PSMG1: variants seen among roughly 807,000 people sequenced by gnomAD.
The protein encoded by PSMG1 is proteasome assembly chaperone 1, also known as Down syndrome critical region gene 2.
A neutral mutation model predicts 37.2 loss-of-function variants in PSMG1; 23 were observed. That is an observed-to-expected ratio of 0.62 (90% CI 0.44 to 0.88). PSMG1 has a LOEUF of 0.88. PSMG1 is among the 40% of genes least tolerant of loss of function. The pLI is 0.00. For missense variants in PSMG1, 340 were observed against 344.2 expected (o/e 0.99, Z 0.10); for synonymous variants, 127 against 128.0 (o/e 0.99, Z 0.05).
chr21:39,178,778 A>G, intron 4 of PSMG1, 131 bp from the exon 5 acceptor site: 1 of 882,826 alleles, frequency 1.1e-6, no homozygotes, highest in South Asian at 1.8e-5. Flanking sequence ...TGTGCCTTGG[A>G]GAAACAGAAC....
chr21:39,182,753 T>A (rs914870586), intron 1 of PSMG1, among the ~76,000 whole-genome samples: 1 of 152,152 alleles, frequency 6.6e-6, no homozygotes, highest in Admixed American at 6.5e-5. Flanking sequence ...ACAATTTTTT[T>A]AAAGCGTGTT....
intron 6 of PSMG1, among the ~76,000 whole-genome samples, chr21:39,176,600 T>TAAGA (rs2030634347): frequency 6.6e-6 from 1 of 152,264 alleles, no homozygotes; most frequent in South Asian, 2.1e-4. Flanking sequence ...GCTGTACTCT[T>TAAGA]CAACAAATGG....
At chr21:39,181,950 G>A in intron 1 of PSMG1, 72 bp from the exon 2 acceptor site, 1 of 922,668 alleles carries the variant, frequency 1.1e-6, no homozygotes, top group Non-Finnish European at 1.6e-6. Flanking sequence ...GGCACTATAT[G>A]TATGATTTAC....
At position 39,176,763 on chromosome 21, in the gene PSMG1, A is replaced by G. The variant is rs112009188; in HGVS notation, c.792+672T>C. 1.3e-3 allele frequency among the ~76,000 whole-genome samples: 194 copies of G among 151,818 alleles called. 2 individuals carry two copies. The highest frequency in any genetic ancestry group is 4.4e-3 in the African/African-American group (179 of 41,084). ...GAGCTACTTCCAACAACTTACCACA[A>G]AAGTCTTAAAACTAATGGCCATTCC... On this transcript the variant is annotated intron_variant, in intron 6 of 6. Coordinates refer to ENST00000331573, the MANE Select transcript of PSMG1 (RefSeq NM_003720.4).
chr21:39,175,429 C>T lies in PSMG1; in HGVS notation c.*161G>A. The T allele has an allele frequency of 1.1e-5, 12 of 1,132,410 alleles. No homozygotes were observed. The highest frequency in any genetic ancestry group is 2.6e-5 in the South Asian group (1 of 38,704). The allele number at this position is 1,132,410 out of a possible 1,614,324, so 70.1% of individuals were successfully genotyped here. A position where few individuals can be genotyped will look rare whatever the true frequency, so the allele number is the denominator to read the frequency against. Reference sequence around the variant, plus strand: ...TGGCTTATTTTGGTTGTGAATAATACCACCATAAATAAGGAATTAAAACTA... The same window carrying T: ...TGGCTTATTTTGGTTGTGAATAATATCACCATAAATAAGGAATTAAAACTA... On this transcript the variant is annotated 3_prime_UTR_variant, in exon 7 of 7. Coordinates refer to ENST00000331573, the MANE Select transcript of PSMG1 (RefSeq NM_003720.4).
At position 39,183,282 on chromosome 21, in the gene PSMG1, C is replaced by G. The variant is rs1380985322; in HGVS notation, c.104G>C (p.Arg35Thr). 1.5e-5 allele frequency: 24 copies of G among 1,590,296 alleles called. No homozygotes were observed. The highest frequency in any genetic ancestry group is 2.0e-5 in the Non-Finnish European group (24 of 1,171,482). ...EEGRRETPED[R>T]EVRLQLARKR... ...CCGCGCCAGCTGCAGACGCACCTCC[C>G]TGTCCTCGGGCGTCTCCCTCCGCCC... is the stretch of plus-strand genomic sequence containing the variant. The change falls in exon 1 of 7, where the codon AGG (arginine) becomes ACG (threonine). Residue 35 changes from arginine (R) to threonine (T), a missense_variant. By Grantham distance (71) the Arg-to-Thr change is moderately conservative. Coordinates refer to ENST00000331573, the MANE Select transcript of PSMG1 (RefSeq NM_003720.4).
At chr21:39,182,624 T>C (rs1425752968) in intron 1 of PSMG1, among the ~76,000 whole-genome samples, 1 of 152,192 alleles carries the variant, frequency 6.6e-6, no homozygotes, top group Non-Finnish European at 1.5e-5. Context: ...ATGACTGGAA[T>C]TCGCTTAGGA....
At position 39,178,584 on chromosome 21, in the gene PSMG1, C is replaced by T. The variant is rs751864587; in HGVS notation, c.520G>A (p.Asp174Asn). ...ITILTCRHVTDYKTSESTGSL... is the reference protein window; with the variant it reads ...ITILTCRHVTNYKTSESTGSL... ...CCGGTGGATTCTGAGGTTTTATAATCGGTAACATGTCGACATGTGAGAATA... is the reference window on the plus strand; with the variant it reads ...CCGGTGGATTCTGAGGTTTTATAATTGGTAACATGTCGACATGTGAGAATA... The change falls in exon 5 of 7, where the codon GAT becomes AAT. Residue 174 changes from aspartate to asparagine, a missense_variant. Transcript: ENST00000331573. The T allele has an allele frequency of 5.6e-6, 9 of 1,613,986 alleles. No homozygotes were observed. The highest frequency in any genetic ancestry group is 7.6e-6 in the Non-Finnish European group (9 of 1,180,020).
Position 39,178,463 on chromosome 21 carries a change from T to C in PSMG1, c.641A>G (p.Asp214Gly). 6.2e-7 allele frequency: 1 copy of C among 1,613,006 alleles called. No homozygotes were observed. Among genetic ancestry groups the C allele is most frequent in the Non-Finnish European group, 8.5e-7 (1 of 1,179,024 alleles). The change falls in exon 5 of 7, where the codon GAC becomes GGC. Residue 214 changes from aspartate (D) to glycine (G), a missense_variant. By Grantham distance (94) the Asp-to-Gly change is moderately conservative. Transcript: ENST00000331573. ...PLLEQPNIVHDLPAAVLSYCQ... is the reference protein window; with the variant it reads ...PLLEQPNIVHGLPAAVLSYCQ... ...TTTAATACCACCTGCTGCAGGAAGG[T>C]CGTGTACTATATTCGGTTGTTCTAG...
chr21:39,180,154 G>T, intron 3 of PSMG1, 131 bp downstream of exon 3: 3 of 1,260,308 alleles, frequency 2.4e-6, no homozygotes, highest in Non-Finnish European at 2.2e-6. Context: ...ACCACTACTG[G>T]TGATTAGTAT....
In PSMG1 at chr21:39,183,402, G is replaced by A. The variant is rs762212126; in HGVS notation, c.-17C>T. The A allele has an allele frequency of 6.4e-7, 1 of 1,573,442 alleles. No homozygotes were observed. Among genetic ancestry groups the A allele is most frequent in the Non-Finnish European group, 8.6e-7 (1 of 1,165,072 alleles). ...GGCCGCCATAGCCGCCCCGTGACCG[G>A]CTGGACACAACTGCAGCGCCGCGGG... On this transcript the variant is annotated 5_prime_UTR_variant, in exon 1 of 7. Coordinates refer to ENST00000331573, the MANE Select transcript of PSMG1 (RefSeq NM_003720.4).
intron 6 of PSMG1, 30 bp downstream of exon 6, chr21:39,177,405 G>C: frequency 2.0e-6 from 3 of 1,533,978 alleles, no homozygotes; most frequent in Non-Finnish European, 2.6e-6. Context: ...TAACAATGCA[G>C]CTATTAATTT....
intron 4 of PSMG1, among the ~76,000 whole-genome samples, chr21:39,178,974 G>C (rs1028465530): frequency 6.6e-6 from 1 of 152,108 alleles, no homozygotes; most frequent in African/African-American, 2.4e-5. Flanking sequence ...CTGGATATGG[G>C]GGTAGATCCC....
rs775770290 is a variant in PSMG1, at chr21:39,177,444, AC to A, written c.782del (p.Gly261ValfsTer13). On this transcript the variant is annotated frameshift_variant, in exon 6 of 7. Transcript: ENST00000331573. LOFTEE classifies it high-confidence loss of function. ...TGAGTTAAAACCTTACCTTAACCAA[AC>A]CCTTCAAGCTTCTGGTAGAAAGTAT... ...KPILSTRSLK[G>X]LVKNIPQSTE... 1 of 1,588,444 alleles carries A rather than the reference AC, an allele frequency of 6.3e-7. No individual in the cohort carries two copies. Among genetic ancestry groups the A allele is most frequent in the South Asian group, 1.2e-5 (1 of 85,508 alleles).
rs548164955 is a variant in PSMG1 at position 39,176,375 on chromosome 21, T to C, written c.793-711A>G. On this transcript the variant is annotated intron_variant, in intron 6 of 6. Transcript: ENST00000331573. Reference sequence around the variant, plus strand: ...CACACCTGTGTGCTACACACAGTCCTACAGCAGTAAACAAAACAGCCCAGC... The same window carrying C: ...CACACCTGTGTGCTACACACAGTCCCACAGCAGTAAACAAAACAGCCCAGC... Among the ~76,000 whole-genome samples, 4 of 152,358 alleles carry C rather than the reference T, an allele frequency of 2.6e-5. No individual in the cohort carries two copies. The South Asian group carries it at 6.2e-4, about 24-fold the overall frequency.
chr21:39,178,938 T>G, intron 4 of PSMG1: 1 of 365,546 alleles, frequency 2.7e-6, no homozygotes, highest in Non-Finnish European at 5.1e-6. Context: ...TTCCCAATGT[T>G]GGAGGCCGGA....
At chr21:39,177,872 CAAAT>C (rs2030684396) in intron 5 of PSMG1, among the ~76,000 whole-genome samples, 1 of 151,962 alleles carries the variant, frequency 6.6e-6, no homozygotes, top group Admixed American at 6.5e-5. Flanking sequence ...ATATAAATAA[CAAAT>C]AAGTACAAAA....
At chr21:39,175,736 C>A in intron 6 of PSMG1, 72 bp from the exon 7 acceptor site, 1 of 955,194 alleles carries the variant, frequency 1.0e-6, no homozygotes, top group Non-Finnish European at 1.7e-6. Flanking sequence ...CCTCCCTCCA[C>A]GACCAACAAT....
At chr21:39,177,125 T>A (rs920779281) in intron 6 of PSMG1, among the ~76,000 whole-genome samples, 33 of 152,170 alleles carry the variant, frequency 2.2e-4, no homozygotes, top group Non-Finnish European at 3.4e-4. Flanking sequence ...TAAATAAAAA[T>A]TTTTTAAAAA....
Sources: gnomAD v4.1 joint callset for allele counts (sites outside exome capture counted in the v4.1 genomes callset) on GRCh38, gnomAD v4.1.1 for gene constraint, MANE v1.5 for transcripts, NCBI Gene and HGNC (gene_info 2026-07-23, HGNC 2026-07-21) for gene names.